DLGAP1: variants seen among roughly 807,000 people sequenced by gnomAD.
The protein encoded by DLGAP1 is disks large-associated protein 1.
In DLGAP1, 11 loss-of-function variants were observed where a neutral mutation model predicts 90.8. The ratio of observed to expected loss-of-function variants is 0.12; its 90% confidence interval spans 0.08 to 0.20. The LOEUF (loss-of-function observed/expected upper bound fraction) is 0.20, where lower values mean the gene tolerates loss of function less well. Among genes scored for constraint, DLGAP1 ranks in the 10% least tolerant of loss-of-function variants. The pLI is 1.00. For missense variants in DLGAP1, 1,050 were observed against 1,333.8 expected, an observed-to-expected ratio of 0.79 and a Z score of 3.31; for synonymous variants, 558 against 540.7, an observed-to-expected ratio of 1.03 and a Z score of -0.44.
chr18:3,846,212 A>G (rs1396142428), intron 4 of DLGAP1, among the ~76,000 whole-genome samples: 1 of 152,118 alleles, frequency 6.6e-6, no homozygotes, highest in Non-Finnish European at 1.5e-5. Context: ...CATCAGCAAG[A>G]TCACTTTTAG....
At chr18:3,974,390 T>C (rs1402285341) in intron 3 of DLGAP1, among the ~76,000 whole-genome samples, 5 of 152,260 alleles carry the variant, frequency 3.3e-5, no homozygotes, top group Non-Finnish European at 5.9e-5. Flanking sequence ...GTATTGCATG[T>C]GTGACTGTAT....
chr18:4,271,625 A>G (rs1280484804), intron 1 of DLGAP1, among the ~76,000 whole-genome samples: 1 of 152,128 alleles, frequency 6.6e-6, no homozygotes, highest in African/African-American at 2.4e-5. Context: ...CATTGTAGAC[A>G]CCTGTAGTTG....
chr18:4,106,683 A>G (rs1470354290), intron 2 of DLGAP1, among the ~76,000 whole-genome samples: 1 of 152,246 alleles, frequency 6.6e-6, no homozygotes, highest in Non-Finnish European at 1.5e-5. Flanking sequence ...AACACAAACC[A>G]GAAGCTGTGT....
intron 12 of DLGAP1, among the ~76,000 whole-genome samples, chr18:3,500,114 G>A (rs545214218): frequency 6.6e-6 from 1 of 152,124 alleles, no homozygotes; most frequent in Non-Finnish European, 1.5e-5. Context: ...AACTGTGGTG[G>A]CCCAGGAAGC....
At chr18:4,339,438 CA>C (rs1224100094) in intron 1 of DLGAP1, among the ~76,000 whole-genome samples, 3 of 152,068 alleles carry the variant, frequency 2.0e-5, no homozygotes, top group Non-Finnish European at 4.4e-5. Context: ...TTTTCCTATG[CA>C]ACAAACCTGC....
intron 1 of DLGAP1, among the ~76,000 whole-genome samples, chr18:4,386,915 T>A (rs2082240251): frequency 6.6e-6 from 1 of 152,178 alleles, no homozygotes; most frequent in African/African-American, 2.4e-5. Flanking sequence ...AATTAGGGTA[T>A]AAAATCTGTG....
At chr18:4,086,351 C>T (rs1035350204) in intron 2 of DLGAP1, among the ~76,000 whole-genome samples, 6 of 152,224 alleles carry the variant, frequency 3.9e-5, no homozygotes, top group East Asian at 3.9e-4. Context: ...TGCTCTAAAC[C>T]GGAAGGTGCT....
At chr18:3,824,864 C>T (rs1354718408) in intron 4 of DLGAP1, among the ~76,000 whole-genome samples, 1 of 152,196 alleles carries the variant, frequency 6.6e-6, no homozygotes, top group Non-Finnish European at 1.5e-5. Context: ...CCCATCCATT[C>T]TAATGCAATG....
chr18:4,215,475 G>T (rs2077934503), intron 1 of DLGAP1, among the ~76,000 whole-genome samples: 1 of 152,066 alleles, frequency 6.6e-6, no homozygotes, highest in Admixed American at 6.6e-5. Flanking sequence ...TATGATCCAG[G>T]TTTCTGTCAG....
chr18:3,991,395 C>T (rs1470225), intron 3 of DLGAP1, among the ~76,000 whole-genome samples: 120,103 of 151,886 alleles, frequency 0.79, 48,453 homozygotes, highest in East Asian at 0.97. Flanking sequence ...ATGGTTGGTT[C>T]ATTTCAGGAG....
intron 2 of DLGAP1, among the ~76,000 whole-genome samples, chr18:4,014,267 G>A (rs2074482906): frequency 6.6e-6 from 1 of 151,916 alleles, no homozygotes; most frequent in Non-Finnish European, 1.5e-5. Context: ...TGTATTTTTA[G>A]TAGAGACGGG....
At chr18:3,605,123 C>A (rs1230262262) in intron 7 of DLGAP1, among the ~76,000 whole-genome samples, 1 of 152,234 alleles carries the variant, frequency 6.6e-6, no homozygotes, top group Non-Finnish European at 1.5e-5. Context: ...TTCCTATTCA[C>A]CCTTTTCAGG....
Position 3,729,033 on chromosome 18 carries a change from T to C in DLGAP1, c.1591+102A>G. On this transcript the variant is annotated intron_variant, in intron 7 of 12. Transcript: ENST00000315677. The surrounding 1 kb of genome is among the most constrained non-coding windows in gnomAD (Gnocchi z 6.2). The stretch of plus-strand genomic sequence containing the variant: ...TTTGTAGGACATGGGTGGTATCTTG[T>C]TCCTGGCAACTATGTGTGTTGACAG... 6.8e-7 allele frequency: 1 copy of C among 1,478,384 alleles called. No homozygotes were observed. The highest frequency in any genetic ancestry group is 9.0e-7 in the Non-Finnish European group (1 of 1,111,698). 91.6% of individuals were successfully genotyped at this position (1,478,384 alleles called of 1,614,324 possible). A position where few individuals can be genotyped will look rare whatever the true frequency, so the allele number is the denominator to read the frequency against.
intron 8 of DLGAP1, among the ~76,000 whole-genome samples, chr18:3,578,445 C>G (rs1181228737): frequency 6.6e-6 from 1 of 151,768 alleles, no homozygotes; most frequent in Non-Finnish European, 1.5e-5. Flanking sequence ...CAACCTCTGC[C>G]TCCTGGGTTC....
At chr18:3,740,291 AAAAAC>A (rs1207619274) in intron 6 of DLGAP1, among the ~76,000 whole-genome samples, 2 of 152,212 alleles carry the variant, frequency 1.3e-5, no homozygotes, top group African/African-American at 4.8e-5. Flanking sequence ...TGAAAAAGAT[AAAAAC>A]AAAACAAGTC....
chr18:3,936,673 G>T (rs2072648060), intron 3 of DLGAP1, among the ~76,000 whole-genome samples: 2 of 152,176 alleles, frequency 1.3e-5, no homozygotes, highest in Non-Finnish European at 2.9e-5. Context: ...CAGTAGTAAA[G>T]ATTTAAATAT....
intron 5 of DLGAP1, 24 bp from the exon 6 acceptor site, chr18:3,742,536 T>C (rs2063099057): frequency 1.1e-5 from 17 of 1,611,308 alleles, no homozygotes; most frequent in Non-Finnish European, 1.4e-5. Context: ...ATGGAAGAGG[T>C]GCATTAGTCA....
At chr18:3,622,440 G>T (rs2058130786) in intron 7 of DLGAP1, among the ~76,000 whole-genome samples, 1 of 152,164 alleles carries the variant, frequency 6.6e-6, no homozygotes, top group Non-Finnish European at 1.5e-5. Flanking sequence ...CTTGGCTTGG[G>T]ATCTGGGAAT....
At chr18:3,829,954 C>T (rs2067940570) in intron 4 of DLGAP1, among the ~76,000 whole-genome samples, 1 of 152,118 alleles carries the variant, frequency 6.6e-6, no homozygotes, top group Admixed American at 6.5e-5. Flanking sequence ...AGGGCCGCTG[C>T]AGTGCTTATT....
Sources: gnomAD v4.1 joint callset for allele counts (sites outside exome capture counted in the v4.1 genomes callset) on GRCh38, gnomAD v4.1.1 for gene constraint, Gnocchi (gnomAD v3.1) non-coding constraint, MANE v1.5 for transcripts, NCBI Gene and HGNC (gene_info 2026-07-23, HGNC 2026-07-21) for gene names.